The following ITCH variants were observed in gnomAD, a reference collection of about 807,000 sequenced individuals.
ITCH encodes E3 ubiquitin-protein ligase Itchy homolog.
A neutral mutation model predicts 126.8 loss-of-function variants in ITCH; 28 were observed. That is an observed-to-expected ratio of 0.22 (90% CI 0.16 to 0.30). ITCH has a LOEUF of 0.30. Ranked by LOEUF, ITCH falls within the 10% of genes least tolerant of loss-of-function variation. The pLI, the probability that ITCH is intolerant of heterozygous loss-of-function variation, is 1.00. For missense variants in ITCH, 631 were observed against 1,032.4 expected (o/e 0.61, Z 5.33); for synonymous variants, 342 against 340.0 (o/e 1.01, Z -0.06).
intron 2 of ITCH, among the ~76,000 whole-genome samples, chr20:34,374,031 C>T (rs760027391): frequency 1.3e-5 from 2 of 151,954 alleles, no homozygotes; most frequent in Non-Finnish European, 2.9e-5. Flanking sequence ...ACTACAGGTG[C>T]CCACCACCAC....
intron 16 of ITCH, chr20:34,476,402 G>C: frequency 1.6e-6 from 2 of 1,241,478 alleles, no homozygotes; most frequent in African/African-American, 1.6e-5. Flanking sequence ...GCGTGGTGCA[G>C]CCACCGGCCG....
At chr20:34,480,760 T>A (rs781071864) in intron 19 of ITCH, 28 bp downstream of exon 19, 16 of 1,512,338 alleles carry the variant, frequency 1.1e-5, no homozygotes, top group Admixed American at 1.7e-5. Context: ...TGTAATTTAT[T>A]AAAATATAGT....
At chr20:34,499,060 C>T (rs889615754) in intron 23 of ITCH, among the ~76,000 whole-genome samples, 4 of 151,420 alleles carry the variant, frequency 2.6e-5, no homozygotes, top group Middle Eastern at 3.4e-3. Flanking sequence ...CTGCAACCTC[C>T]GCCTCACAGG....
intron 23 of ITCH, among the ~76,000 whole-genome samples, chr20:34,498,976 C>CTT (rs201211783): frequency 6.9e-6 from 1 of 143,956 alleles, no homozygotes; most frequent in Non-Finnish European, 1.5e-5. Flanking sequence ...TGATGGGAGA[C>CTT]TTTTTTTTTT....
intron 11 of ITCH, among the ~76,000 whole-genome samples, chr20:34,447,220 C>T (rs1204729702): frequency 6.6e-6 from 1 of 151,394 alleles, no homozygotes; most frequent in Non-Finnish European, 1.5e-5. Context: ...TCATCCTGTC[C>T]CCCCGCCCAA....
intron 3 of ITCH, among the ~76,000 whole-genome samples, chr20:34,407,350 T>C (rs2039095478): frequency 6.6e-6 from 1 of 152,160 alleles, no homozygotes; most frequent in Non-Finnish European, 1.5e-5. Context: ...CACTGCAACC[T>C]CCACCTCCCG....
chr20:34,507,219 A>G (rs538407219), intron 24 of ITCH, among the ~76,000 whole-genome samples: 2 of 142,698 alleles, frequency 1.4e-5, no homozygotes, highest in Admixed American at 7.1e-5. Context: ...AGGGGCTCCA[A>G]TTTCTCCACA....
At chr20:34,373,125 C>G (rs989012989) in intron 2 of ITCH, among the ~76,000 whole-genome samples, 8 of 151,952 alleles carry the variant, frequency 5.3e-5, no homozygotes, top group African/African-American at 1.9e-4. Flanking sequence ...TAGGCATGTG[C>G]CACCACGCCC....
intron 7 of ITCH, among the ~76,000 whole-genome samples, chr20:34,433,516 A>G (rs1982601528): frequency 6.6e-6 from 1 of 152,146 alleles, no homozygotes; most frequent in Non-Finnish European, 1.5e-5. Flanking sequence ...TGTGTCTACA[A>G]AAAATACAAA....
intron 10 of ITCH, among the ~76,000 whole-genome samples, 187 bp from the exon 11 acceptor site, chr20:34,445,100 A>G (rs932670509): frequency 6.6e-6 from 1 of 152,210 alleles, no homozygotes; most frequent in Non-Finnish European, 1.5e-5. Context: ...AACCTGACTA[A>G]TGCATCTTAT....
chr20:34,415,144 C>T (rs948031462), intron 6 of ITCH, among the ~76,000 whole-genome samples: 6 of 152,168 alleles, frequency 3.9e-5, no homozygotes, highest in Non-Finnish European at 7.4e-5. Flanking sequence ...ATGAGTTTGA[C>T]GAAGATCTTT....
At chr20:34,375,675 C>T (rs550981021) in intron 2 of ITCH, among the ~76,000 whole-genome samples, 1 of 141,484 alleles carries the variant, frequency 7.1e-6, no homozygotes, top group East Asian at 2.1e-4. Flanking sequence ...GGAATACACT[C>T]ACAATGTATT....
chr20:34,448,220 G>A (rs1047695236), intron 11 of ITCH, among the ~76,000 whole-genome samples: 26 of 151,796 alleles, frequency 1.7e-4, no homozygotes, highest in African/African-American at 5.8e-4. Flanking sequence ...GGTGAAACCC[G>A]GTCTCTACTA....
At chr20:34,396,719 T>G (rs2038691125) in intron 3 of ITCH, among the ~76,000 whole-genome samples, 1 of 152,156 alleles carries the variant, frequency 6.6e-6, no homozygotes, top group South Asian at 2.1e-4. Context: ...CTAATGATAT[T>G]GTCTTTTCAT....
chr20:34,471,673 GGTGTGT>G (rs10606931), intron 16 of ITCH, among the ~76,000 whole-genome samples, 158 bp downstream of exon 16: 2,572 of 69,312 alleles, frequency 0.037, 82 homozygotes, highest in Middle Eastern at 0.056. Context: ...GGGCTTAAGG[GGTGTGT>G]GTGTGTGTGT....
chr20:34,471,673 G>GGT (rs10606931), intron 16 of ITCH, among the ~76,000 whole-genome samples, 158 bp downstream of exon 16: 18,066 of 69,286 alleles, frequency 0.26, 2,769 homozygotes, highest in South Asian at 0.37. Context: ...GGGCTTAAGG[G>GGT]GTGTGTGTGT....
chr20:34,483,249 A>T (rs1430766467), intron 20 of ITCH, among the ~76,000 whole-genome samples: 1 of 152,194 alleles, frequency 6.6e-6, no homozygotes, highest in African/African-American at 2.4e-5. Flanking sequence ...CTCATTACTT[A>T]TGCAAATTTC....
Position 34,475,879 on chromosome 20 carries a change from T to C in ITCH, c.1570-1893T>C, listed in dbSNP as rs6058056. 8 of 968,760 alleles carry C rather than the reference T, an allele frequency of 8.3e-6. No homozygotes were observed. The African/African-American group carries it at 1.1e-4, about 14-fold the overall frequency. 60.0% of individuals were successfully genotyped at this position (968,760 alleles called of 1,614,324 possible). ...CATTTTATCACTTAAATAATAATTA[T>C]AAAAATAGGTAAAATTCCATGAAAA... On this transcript the variant is annotated intron_variant, in intron 16 of 24. Coordinates refer to ENST00000374864, the MANE Select transcript of ITCH (RefSeq NM_031483.7).
chr20:34,442,894 T>A (rs1232517719), intron 10 of ITCH, among the ~76,000 whole-genome samples: 2 of 149,422 alleles, frequency 1.3e-5, no homozygotes, highest in Non-Finnish European at 3.0e-5. Context: ...GAGAATGGCA[T>A]GAACCCAGGA....
Sources: gnomAD v4.1 joint callset for allele counts (sites outside exome capture counted in the v4.1 genomes callset) on GRCh38, gnomAD v4.1.1 for gene constraint, MANE v1.5 for transcripts, NCBI Gene and HGNC (gene_info 2026-07-23, HGNC 2026-07-21) for gene names.